The following FGF14 variants were observed in gnomAD, a reference collection of about 807,000 sequenced individuals.
The protein encoded by FGF14 is fibroblast growth factor 14, also known as fibroblast growth factor homologous factor 4.
Under a neutral mutation model 25.5 loss-of-function variants are expected in FGF14, and 5 were observed. The observed-to-expected ratio is 0.20, with a 90% CI of 0.10 to 0.41. The LOEUF is 0.41. Among genes scored for constraint, FGF14 ranks in the 10% least tolerant of loss-of-function variants. The pLI, the probability that FGF14 is intolerant of heterozygous loss-of-function variation, is 1.00. For synonymous variants in FGF14, 138 were observed against 118.3 expected (o/e 1.17, Z -1.08); for missense variants, 222 against 320.1 (o/e 0.69, Z 2.34).
chr13:102,043,846 T>C (rs1284445583), intron 1 of FGF14, among the ~76,000 whole-genome samples: 2 of 152,182 alleles, frequency 1.3e-5, no homozygotes, highest in Non-Finnish European at 1.5e-5. Context: ...TTAACTGGCA[T>C]GCATGTGGAC....
intron 3 of FGF14, among the ~76,000 whole-genome samples, chr13:101,841,608 C>T (rs1280012635): frequency 6.6e-6 from 1 of 151,968 alleles, no homozygotes; most frequent in Non-Finnish European, 1.5e-5. Context: ...GAAAAGTGTT[C>T]AGAGGTAGAA....
chr13:102,049,345 A>G (rs2042120621), intron 1 of FGF14, among the ~76,000 whole-genome samples: 1 of 152,192 alleles, frequency 6.6e-6, no homozygotes, highest in Admixed American at 6.5e-5. Flanking sequence ...TATTGACTTT[A>G]AAATCATTAT....
intron 1 of FGF14, among the ~76,000 whole-genome samples, chr13:101,981,846 C>A (rs1483270987): frequency 6.6e-6 from 1 of 152,182 alleles, no homozygotes; most frequent in Non-Finnish European, 1.5e-5. Context: ...TGAAACAAAT[C>A]AGCTCCACCT....
chr13:102,266,913 A>T (rs1487446945), intron 1 of FGF14, among the ~76,000 whole-genome samples: 1 of 152,154 alleles, frequency 6.6e-6, no homozygotes, highest in Non-Finnish European at 1.5e-5. Context: ...ATAGTTACAG[A>T]AGACAAAAAG....
chr13:102,036,655 G>A (rs1398880909), intron 1 of FGF14, among the ~76,000 whole-genome samples: 1 of 151,986 alleles, frequency 6.6e-6, no homozygotes, highest in Non-Finnish European at 1.5e-5. Context: ...GATCAAAGAG[G>A]AAACAGAAGG....
chr13:101,873,552 G>C (rs1375508239), intron 2 of FGF14, among the ~76,000 whole-genome samples: 2 of 152,012 alleles, frequency 1.3e-5, no homozygotes, highest in East Asian at 3.9e-4. Context: ...GAACACTGAA[G>C]ACATCAGAAA....
chr13:102,210,903 C>T (rs796291902), intron 1 of FGF14, among the ~76,000 whole-genome samples: 5 of 152,160 alleles, frequency 3.3e-5, no homozygotes, highest in East Asian at 1.9e-4. Flanking sequence ...TCAATTGTAG[C>T]GTAAGCCGAA....
At chr13:102,008,637 A>C (rs1196891784) in intron 1 of FGF14, among the ~76,000 whole-genome samples, 1 of 152,008 alleles carries the variant, frequency 6.6e-6, no homozygotes, top group African/African-American at 2.4e-5. Flanking sequence ...TATATTTCTC[A>C]GTTCTTTCCA....
At chr13:101,766,557 C>T (rs1444748673) in intron 3 of FGF14, among the ~76,000 whole-genome samples, 1 of 152,150 alleles carries the variant, frequency 6.6e-6, no homozygotes, top group African/African-American at 2.4e-5. Context: ...GAGTGTTGAA[C>T]AGCATCAAAA....
At chr13:102,303,872 A>C (rs2055216344) in intron 1 of FGF14, among the ~76,000 whole-genome samples, 1 of 152,202 alleles carries the variant, frequency 6.6e-6, no homozygotes, top group South Asian at 2.1e-4. Flanking sequence ...TAAAGCACTG[A>C]ATGATAACTT....
chr13:101,727,953 AAAT>A (rs1293543256), intron 3 of FGF14, among the ~76,000 whole-genome samples: 2 of 152,180 alleles, frequency 1.3e-5, no homozygotes, highest in African/African-American at 4.8e-5. Flanking sequence ...TTATTGCAGA[AAAT>A]AATAATTTTT....
intron 1 of FGF14, among the ~76,000 whole-genome samples, chr13:101,885,054 A>T (rs1354820657): frequency 6.6e-6 from 1 of 152,186 alleles, no homozygotes; most frequent in African/African-American, 2.4e-5. Flanking sequence ...TGCTTATTAG[A>T]GCAAAAGTTT....
intron 3 of FGF14, among the ~76,000 whole-genome samples, chr13:101,748,286 GAATACTACCCAGCCATAA>G: frequency 6.6e-6 from 1 of 151,838 alleles, no homozygotes; most frequent in East Asian, 1.9e-4. Context: ...ACACACCATG[GAATACTACCCAGCCATAA>G]AAAAAGAATG....
At chr13:102,281,169 T>G (rs961807982) in intron 1 of FGF14, among the ~76,000 whole-genome samples, 1 of 152,220 alleles carries the variant, frequency 6.6e-6, no homozygotes, top group Non-Finnish European at 1.5e-5. Context: ...ATTGTTCTGA[T>G]GAAAAGTAAG....
chr13:102,094,174 G>A (rs1432871765), intron 1 of FGF14, among the ~76,000 whole-genome samples: 1 of 151,418 alleles, frequency 6.6e-6, no homozygotes, highest in African/African-American at 2.4e-5. Flanking sequence ...ATCTTGAATT[G>A]AAAATGCAGC....
chr13:101,922,331 T>C (rs903637347), intron 1 of FGF14, among the ~76,000 whole-genome samples: 3 of 152,194 alleles, frequency 2.0e-5, no homozygotes, highest in African/African-American at 7.2e-5. Context: ...AGCCTTTGCT[T>C]GATGTCCTGG....
intron 1 of FGF14, among the ~76,000 whole-genome samples, chr13:102,370,228 A>G (rs1474360836): frequency 1.3e-5 from 2 of 152,174 alleles, no homozygotes; most frequent in African/African-American, 4.8e-5. Context: ...CCTGGCCTCA[A>G]GTGATCCCTG....
chr13:101,819,096 G>T (rs1354668432), intron 3 of FGF14, among the ~76,000 whole-genome samples: 1 of 152,112 alleles, frequency 6.6e-6, no homozygotes, highest in African/African-American at 2.4e-5. Context: ...GTCAATCATT[G>T]TAACAAGCTT....
chr13:102,339,158 C>T (rs1398715537), intron 1 of FGF14, among the ~76,000 whole-genome samples: 3 of 151,956 alleles, frequency 2.0e-5, no homozygotes, highest in African/African-American at 7.2e-5. Flanking sequence ...GTGCAAATTT[C>T]ACACCGCATG....
Sources: gnomAD v4.1 joint callset for allele counts (sites outside exome capture counted in the v4.1 genomes callset) on GRCh38, gnomAD v4.1.1 for gene constraint, MANE v1.5 for transcripts, NCBI Gene and HGNC (gene_info 2026-07-23, HGNC 2026-07-21) for gene names.